Variants in ACTR3C observed in about 807,000 individuals in gnomAD.
ACTR3C encodes actin related protein 3C.
In ACTR3C, 18 loss-of-function variants were observed where a neutral mutation model predicts 26.3. That is an observed-to-expected ratio of 0.68 (90% CI 0.47 to 1.01). The LOEUF (loss-of-function observed/expected upper bound fraction) is 1.01, where lower values mean the gene tolerates loss of function less well. ACTR3C is among the 50% of genes least tolerant of loss of function. The pLI is 0.00. For missense variants in ACTR3C, 184 were observed against 250.7 expected (o/e 0.73, Z 1.80); for synonymous variants, 55 against 94.5 (o/e 0.58, Z 2.42).
At chr7:150,132,998 C>T in the ACTR3C span, among the ~76,000 whole-genome samples, 11 of 152,134 alleles carry the variant, frequency 7.2e-5, no homozygotes, top group Non-Finnish European at 1.2e-4. Context: ...CTATCTATAT[C>T]TTTAAATTCA....
At chr7:150,047,844 A>G in the ACTR3C span, 1 of 1,510,818 alleles carries the variant, frequency 6.6e-7, no homozygotes, top group Non-Finnish European at 8.9e-7. Flanking sequence ...CCTCTGGTAC[A>G]GCGAAGCCAT....
At chr7:150,238,685 G>A in the ACTR3C span, among the ~76,000 whole-genome samples, 1 of 147,310 alleles carries the variant, frequency 6.8e-6, no homozygotes, top group African/African-American at 2.6e-5. Flanking sequence ...TTTGCAGAGT[G>A]GATTTCATAC....
chr7:150,306,146 G>A (rs1795792318), intron 1 of ACTR3C, among the ~76,000 whole-genome samples: 1 of 152,066 alleles, frequency 6.6e-6, no homozygotes, highest in Non-Finnish European at 1.5e-5. Flanking sequence ...TTCATTGCAG[G>A]TACCCATTTT....
the ACTR3C span, among the ~76,000 whole-genome samples, chr7:150,009,438 C>T: frequency 2.0e-5 from 3 of 152,224 alleles, no homozygotes; most frequent in Non-Finnish European, 4.4e-5. Context: ...TAGAAGGTGG[C>T]CCCTGTTCTC....
chr7:150,215,573 G>A, the ACTR3C span, among the ~76,000 whole-genome samples: 5 of 152,200 alleles, frequency 3.3e-5, no homozygotes, highest in East Asian at 1.9e-4. Flanking sequence ...CAAAGAATCC[G>A]TTGAGGTTCG....
the ACTR3C span, among the ~76,000 whole-genome samples, chr7:149,966,303 G>A: frequency 6.6e-6 from 1 of 152,156 alleles, no homozygotes; most frequent in Non-Finnish European, 1.5e-5. Flanking sequence ...CTGAGGCAGG[G>A]CCACTGTCAG....
the ACTR3C span, among the ~76,000 whole-genome samples, chr7:150,149,355 A>T: frequency 1.3e-5 from 2 of 151,220 alleles, no homozygotes; most frequent in South Asian, 4.2e-4. Context: ...TTTTTTTATT[A>T]TTATTATACT....
intron 6 of ACTR3C, among the ~76,000 whole-genome samples, chr7:150,252,804 C>T (rs1470069707): frequency 6.6e-6 from 1 of 152,140 alleles, no homozygotes; most frequent in East Asian, 1.9e-4. Context: ...GATGTATCCT[C>T]GAATTAAATT....
At chr7:150,080,519 GTGTGTGTA>G in the ACTR3C span, among the ~76,000 whole-genome samples, 265 of 135,710 alleles carry the variant, frequency 2.0e-3, 1 homozygote, top group African/African-American at 7.9e-3. Context: ...ATGAGTGTTT[GTGTGTGTA>G]TGTGTGTGTG....
the ACTR3C span, among the ~76,000 whole-genome samples, chr7:149,918,715 TA>T: frequency 6.6e-6 from 1 of 152,098 alleles, no homozygotes; most frequent in African/African-American, 2.4e-5. Context: ...ACAAAAAATT[TA>T]AAGCAATATT....
chr7:149,962,852 T>C, the ACTR3C span, among the ~76,000 whole-genome samples: 1 of 152,180 alleles, frequency 6.6e-6, no homozygotes, highest in Non-Finnish European at 1.5e-5. Context: ...TCTCACTCCT[T>C]CACGCCAAAC....
the ACTR3C span, among the ~76,000 whole-genome samples, chr7:150,156,157 G>A: frequency 6.6e-6 from 1 of 151,856 alleles, no homozygotes; most frequent in African/African-American, 2.4e-5. Flanking sequence ...TGACTCATCC[G>A]TCATTCTGGG....
chr7:150,285,146 G>A (rs1389106720), intron 5 of ACTR3C, among the ~76,000 whole-genome samples: 4 of 152,160 alleles, frequency 2.6e-5, no homozygotes, highest in Non-Finnish European at 2.9e-5. Context: ...AAGAGCAGTG[G>A]AGAGTATGTG....
intron 1 of ACTR3C, among the ~76,000 whole-genome samples, chr7:150,299,435 C>T (rs1353615851): frequency 7.3e-6 from 1 of 137,830 alleles, no homozygotes; most frequent in Non-Finnish European, 1.5e-5. Context: ...CCACTGCACT[C>T]CAGCTTGGAC....
the ACTR3C span, among the ~76,000 whole-genome samples, chr7:150,006,185 A>AATTAATTAATTTATTTATTTATTT: frequency 2.2e-5 from 3 of 139,016 alleles, no homozygotes; most frequent in African/African-American, 8.2e-5. Flanking sequence ...AATTGCACAG[A>AATTAATTAATTTATTTATTTATTT]ATTTATTTAT....
the ACTR3C span, among the ~76,000 whole-genome samples, chr7:149,991,201 C>T: frequency 1.3e-5 from 2 of 152,204 alleles, no homozygotes; most frequent in East Asian, 1.9e-4. Flanking sequence ...AAGCCCTATT[C>T]ATTCTCAAGA....
the ACTR3C span, among the ~76,000 whole-genome samples, chr7:150,166,054 G>A: frequency 6.6e-6 from 1 of 151,598 alleles, no homozygotes. Flanking sequence ...CTAAAAAATT[G>A]TGTGATGCAC....
At chr7:150,105,300 T>C in the ACTR3C span, among the ~76,000 whole-genome samples, 1 of 151,848 alleles carries the variant, frequency 6.6e-6, no homozygotes, top group Non-Finnish European at 1.5e-5. Context: ...GACAGGATGG[T>C]CTCAATCTCC....
the ACTR3C span, among the ~76,000 whole-genome samples, chr7:150,189,041 AC>A: frequency 6.6e-6 from 1 of 151,024 alleles, no homozygotes; most frequent in African/African-American, 2.5e-5. Flanking sequence ...TCCCTCCAAC[AC>A]CCCAGGGTTT....
Sources: allele counts gnomAD v4.1 joint callset (sites outside exome capture counted in the v4.1 genomes callset), GRCh38; gene constraint gnomAD v4.1.1; transcripts MANE v1.5; gene names NCBI Gene and HGNC (gene_info 2026-07-23, HGNC 2026-07-21).